DAB1: variants seen among roughly 807,000 people sequenced by gnomAD.
DAB1 encodes the protein DAB adaptor protein 1, also known as disabled homolog 1.
A neutral mutation model predicts 64.6 loss-of-function variants in DAB1; 15 were observed. That is an observed-to-expected ratio of 0.23 (90% confidence interval 0.16 to 0.36). The LOEUF (loss-of-function observed/expected upper bound fraction) is 0.36. DAB1 is among the 10% of genes least tolerant of loss of function. DAB1 has a pLI of 1.00. For missense variants in DAB1, 596 were observed against 706.7 expected (o/e 0.84, Z 1.78); for synonymous variants, 235 against 251.9 (o/e 0.93, Z 0.64).
chr1:58,034,381 C>T (rs1647014298), intron 5 of DAB1, among the ~76,000 whole-genome samples: 2 of 152,206 alleles, frequency 1.3e-5, no homozygotes, highest in Non-Finnish European at 2.9e-5. Flanking sequence ...TGTGGGATAA[C>T]TGCAGCCCTG....
intron 9 of DAB1, chr1:57,033,562 C>T (rs759241246): frequency 5.6e-6 from 9 of 1,612,330 alleles, no homozygotes; most frequent in African/African-American, 2.7e-5. Context: ...AATCCTCAAA[C>T]GAATAGCCAT....
chr1:57,005,626 G>C (rs1310766833), intron 14 of DAB1, among the ~76,000 whole-genome samples: 2 of 152,176 alleles, frequency 1.3e-5, no homozygotes, highest in East Asian at 3.9e-4. Flanking sequence ...GGAAACCAAA[G>C]GTCAGAAATG....
At chr1:57,240,284 A>G (rs978353714) in intron 2 of DAB1, among the ~76,000 whole-genome samples, 1 of 152,172 alleles carries the variant, frequency 6.6e-6, no homozygotes, top group African/African-American at 2.4e-5. Context: ...CTTAAAACAC[A>G]CATTCAAATT....
chr1:57,778,564 G>C (rs1332699557), intron 6 of DAB1, among the ~76,000 whole-genome samples: 5 of 151,868 alleles, frequency 3.3e-5, no homozygotes, highest in Non-Finnish European at 1.5e-5. Context: ...GGGTAAGTCT[G>C]GCAAGAATTA....
chr1:58,441,673 G>A (rs1182524245), intron 3 of DAB1, among the ~76,000 whole-genome samples: 2 of 152,172 alleles, frequency 1.3e-5, no homozygotes, highest in Non-Finnish European at 2.9e-5. Context: ...TCTCTCATAT[G>A]GTTTTCCTAC....
At chr1:57,258,705 ATTGTTCGACAGGAT>A (rs1428475309) in intron 2 of DAB1, among the ~76,000 whole-genome samples, 2 of 152,184 alleles carry the variant, frequency 1.3e-5, no homozygotes, top group African/African-American at 4.8e-5. Flanking sequence ...ATCTGGTTAA[ATTGTTCGACAGGAT>A]TTGCTCGCTC....
chr1:58,006,295 G>C (rs1196168269), intron 5 of DAB1, among the ~76,000 whole-genome samples: 1 of 152,130 alleles, frequency 6.6e-6, no homozygotes, highest in Non-Finnish European at 1.5e-5. Context: ...ACTTCTTTGT[G>C]CCTCAGTTTC....
At chr1:57,812,269 T>C (rs1200451545) in intron 6 of DAB1, among the ~76,000 whole-genome samples, 1 of 148,002 alleles carries the variant, frequency 6.8e-6, no homozygotes, top group Non-Finnish European at 1.5e-5. Context: ...AGAAGTCTCC[T>C]TTCCAGCCAC....
chr1:57,049,084 G>A (rs1042713479), intron 9 of DAB1, among the ~76,000 whole-genome samples: 2 of 152,116 alleles, frequency 1.3e-5, no homozygotes, highest in African/African-American at 2.4e-5. Context: ...CAACCCAAAT[G>A]TGAGTCCTGG....
chr1:57,734,893 G>C (rs1330979358), intron 6 of DAB1, among the ~76,000 whole-genome samples: 2 of 152,186 alleles, frequency 1.3e-5, no homozygotes, highest in Non-Finnish European at 2.9e-5. Flanking sequence ...ATTTAAAGGA[G>C]CTCTTTTAAT....
chr1:58,189,310 C>A (rs909681392), intron 4 of DAB1, among the ~76,000 whole-genome samples: 6 of 152,152 alleles, frequency 3.9e-5, no homozygotes, highest in African/African-American at 1.4e-4. Context: ...GTCTGGGTGT[C>A]ATTTAAGTAG....
intron 7 of DAB1, among the ~76,000 whole-genome samples, chr1:57,598,786 T>G (rs114231861): frequency 0.025 from 3,804 of 152,228 alleles, 153 homozygotes; most frequent in African/African-American, 0.087. Context: ...CAAGATCGAG[T>G]GGCCAGTTGG....
In DAB1 at chr1:57,955,735, T is replaced by C. The variant is rs184603369; in HGVS notation, n.388-71573A>G. 2.8e-3 allele frequency among the ~76,000 whole-genome samples: 432 copies of C among 151,896 alleles called. 4 individuals are homozygous for C. Among genetic ancestry groups the C allele is most frequent in the African/African-American group, 9.6e-3 (399 of 41,370 alleles). On this transcript the variant is annotated intron_variant and non_coding_transcript_variant, in intron 5 of 20. Transcript: ENST00000485760. The stretch of plus-strand genomic sequence containing the variant: ...AATTATCTGACTGCAAATTACACAC[T>C]GCTACTCCATGAGCTCCATTGAGGT...
intron 7 of DAB1, among the ~76,000 whole-genome samples, chr1:57,593,628 A>G (rs1001704089): frequency 1.2e-4 from 19 of 152,230 alleles, no homozygotes; most frequent in Non-Finnish European, 2.9e-5. Flanking sequence ...CAAGATAGCT[A>G]TAAAAGACGC....
chr1:57,593,678 T>G (rs1645472444), intron 7 of DAB1, among the ~76,000 whole-genome samples: 1 of 152,218 alleles, frequency 6.6e-6, no homozygotes, highest in African/African-American at 2.4e-5. Flanking sequence ...ACAGGGAACT[T>G]CAGGACAGCA....
intron 4 of DAB1, among the ~76,000 whole-genome samples, chr1:58,257,836 C>T (rs1207608932): frequency 2.6e-5 from 4 of 152,050 alleles, no homozygotes; most frequent in African/African-American, 7.2e-5. Flanking sequence ...GATGTAAGGC[C>T]CCAAAAGGTT....
chr1:58,259,520 C>T (rs1661004172), intron 4 of DAB1, among the ~76,000 whole-genome samples: 1 of 152,202 alleles, frequency 6.6e-6, no homozygotes, highest in African/African-American at 2.4e-5. Flanking sequence ...GGACTTTGTG[C>T]TATAGCCATT....
At chr1:57,463,223 A>T (rs1156332859) in intron 7 of DAB1, among the ~76,000 whole-genome samples, 1 of 152,174 alleles carries the variant, frequency 6.6e-6, no homozygotes, top group Non-Finnish European at 1.5e-5. Flanking sequence ...TCAATCTCCC[A>T]TGTGGAACAG....
At chr1:58,342,436 G>A (rs1473347944) in intron 4 of DAB1, among the ~76,000 whole-genome samples, 1 of 152,154 alleles carries the variant, frequency 6.6e-6, no homozygotes, top group Non-Finnish European at 1.5e-5. Context: ...ACATCCTAAT[G>A]AGAATGTGGA....
Sources: allele counts gnomAD v4.1 joint callset (sites outside exome capture counted in the v4.1 genomes callset), GRCh38; gene constraint gnomAD v4.1.1; transcripts MANE v1.5; gene names NCBI Gene and HGNC (gene_info 2026-07-23, HGNC 2026-07-21).